Variants in CECR2 observed in about 807,000 individuals in gnomAD.
The protein encoded by CECR2 is chromatin remodeling regulator CECR2.
A neutral mutation model predicts 154.5 loss-of-function variants in CECR2; 30 were observed. The observed-to-expected ratio is 0.19, with a 90% CI of 0.15 to 0.26. CECR2 has a LOEUF of 0.26. Among genes scored for constraint, CECR2 ranks in the 10% least tolerant of loss-of-function variants. The pLI, the probability that CECR2 is intolerant of heterozygous loss-of-function variation, is 1.00. For synonymous variants in CECR2, 725 were observed against 683.7 expected (o/e 1.06, Z -0.94); for missense variants, 1,743 against 1,829.3 (o/e 0.95, Z 0.86).
upstream of CECR2, chr22:17,369,307 G>C (rs2063025200): frequency 6.6e-6 from 1 of 151,092 alleles, no homozygotes. Flanking sequence ...CCGGGGGCGC[G>C]CGCCCCGCCC....
rs532491837 is a variant in CECR2 at position 17,400,838 on chromosome 22, C to T, written c.126+30929C>T. 7.6e-4 allele frequency among the ~76,000 whole-genome samples: 116 copies of T among 152,246 alleles called. 1 individual carries two copies. The highest frequency in any genetic ancestry group is 2.7e-3 in the African/African-American group (113 of 41,532). ...AATCTCTTGCTCACTGCAGCCTCAA[C>T]CTCATGGGCTCAAGCAGTCCTCTGG... is the stretch of plus-strand genomic sequence containing the variant. On this transcript the variant is annotated intron_variant, in intron 1 of 18. Coordinates refer to ENST00000262608, the MANE Select transcript of CECR2 (RefSeq NM_001290047.2).
chr22:17,548,815 T>C lies in CECR2; in HGVS notation c.3528T>C (p.Tyr1176=). The change falls in exon 17 of 19, where the codon TAT becomes TAC. Residue 1176 remains tyrosine, a synonymous_variant. Coordinates refer to ENST00000262608, the MANE Select transcript of CECR2 (RefSeq NM_001290047.2). ...NHPHSGGFPR[Y]RPPQGMRYSY... is the part of the protein sequence containing the mutation. ...CACATTCTGGAGGCTTTCCCCGGTA[T>C]CGCCCCCCACAAGGAATGAGGTATT... is the stretch of plus-strand genomic sequence containing the variant. 6.2e-7 allele frequency: 1 copy of C among 1,613,718 alleles called. No homozygotes were observed. Among genetic ancestry groups the C allele is most frequent in the Non-Finnish European group, 8.5e-7 (1 of 1,179,828 alleles).
intron 1 of CECR2, among the ~76,000 whole-genome samples, chr22:17,458,688 G>T (rs2054891505): frequency 1.3e-5 from 2 of 152,002 alleles, no homozygotes; most frequent in Admixed American, 6.6e-5. Flanking sequence ...AAACACTTAG[G>T]TACATATGGA....
chr22:17,416,158 T>C (rs1210138139), intron 1 of CECR2, among the ~76,000 whole-genome samples: 1 of 152,206 alleles, frequency 6.6e-6, no homozygotes, highest in African/African-American at 2.4e-5. Context: ...GCTCTCTAAA[T>C]AGTGACAGAT....
chr22:17,405,179 G>A (rs1488377656), intron 1 of CECR2, among the ~76,000 whole-genome samples: 2 of 152,168 alleles, frequency 1.3e-5, no homozygotes, highest in African/African-American at 2.4e-5. Flanking sequence ...GGAAGCTGAG[G>A]CAGGCGGATC....
chr22:17,446,459 T>C (rs1229410764), intron 1 of CECR2, among the ~76,000 whole-genome samples: 3 of 152,184 alleles, frequency 2.0e-5, no homozygotes, highest in Non-Finnish European at 2.9e-5. Context: ...GGCTCTTGCC[T>C]GTAATCCCAG....
intron 8 of CECR2, among the ~76,000 whole-genome samples, chr22:17,519,290 GTGTTTTT>G (rs2056114174): frequency 3.0e-5 from 3 of 99,086 alleles, no homozygotes; most frequent in Non-Finnish European, 7.3e-5. Flanking sequence ...CAGGTGTTTT[GTGTTTTT>G]TTTTTTTTTT....
chr22:17,518,872 G>C (rs1191608408), intron 8 of CECR2: 1 of 248,816 alleles, frequency 4.0e-6, no homozygotes, highest in African/African-American at 2.3e-5. Context: ...CTTTCTCTTA[G>C]TATCCTTCCT....
chr22:17,499,914 TTAA>T (rs2055704357), intron 4 of CECR2, among the ~76,000 whole-genome samples: 1 of 152,118 alleles, frequency 6.6e-6, no homozygotes, highest in Non-Finnish European at 1.5e-5. Context: ...TCGACTAGAA[TTAA>T]TGATGTAGTT....
chr22:17,478,196 C>T (rs187142151), intron 2 of CECR2, among the ~76,000 whole-genome samples: 12 of 152,100 alleles, frequency 7.9e-5, no homozygotes, highest in African/African-American at 2.4e-4. Context: ...ACTTAATACA[C>T]GTTTCTTTGC....
chr22:17,552,217 T>C (rs1442090313), intron 18 of CECR2, 75 bp downstream of exon 18: 1 of 1,353,900 alleles, frequency 7.4e-7, no homozygotes. Flanking sequence ...AACCTTGCTG[T>C]TCTGAAAAAA....
intron 1 of CECR2, among the ~76,000 whole-genome samples, chr22:17,381,287 GC>G (rs1056614789): frequency 6.6e-6 from 1 of 152,140 alleles, no homozygotes; most frequent in Non-Finnish European, 1.5e-5. Context: ...TGTTAAAGCA[GC>G]CCCCCAGCCC....
chr22:17,383,657 CTTTT>C (rs57665657), intron 1 of CECR2, among the ~76,000 whole-genome samples: 4 of 104,278 alleles, frequency 3.8e-5, no homozygotes, highest in Admixed American at 1.2e-4. Context: ...TTCAGGTCCA[CTTTT>C]TTTTTTTTTT....
intron 1 of CECR2, among the ~76,000 whole-genome samples, chr22:17,363,216 AT>A (rs769888131): frequency 0.032 from 4,567 of 141,820 alleles, 308 homozygotes; most frequent in East Asian, 0.31. Flanking sequence ...CACCTGGCTA[AT>A]TTTTTTTTTT....
chr22:17,456,009 A>T (rs1179951737), intron 1 of CECR2, among the ~76,000 whole-genome samples: 1 of 152,152 alleles, frequency 6.6e-6, no homozygotes, highest in African/African-American at 2.4e-5. Flanking sequence ...ATCCAAAATC[A>T]TGTGGGTTGT....
At chr22:17,370,220 TCTC>T (rs1484276447) in intron 1 of CECR2, among the ~76,000 whole-genome samples, 2 of 149,224 alleles carry the variant, frequency 1.3e-5, no homozygotes, top group East Asian at 4.0e-4. Context: ...TCCCGGGACT[TCTC>T]CGGTGGGCTG....
chr22:17,365,371 A>G (rs994034101), upstream of CECR2, among the ~76,000 whole-genome samples: 1 of 152,226 alleles, frequency 6.6e-6, no homozygotes, highest in African/African-American at 2.4e-5. Flanking sequence ...TGGAAATAAC[A>G]GTGTATTTCC....
At chr22:17,502,852 A>G (rs2055763998) in intron 5 of CECR2, among the ~76,000 whole-genome samples, 1 of 152,206 alleles carries the variant, frequency 6.6e-6, no homozygotes. Context: ...ATGCATTGAT[A>G]CTGTTGCCAT....
intron 1 of CECR2, among the ~76,000 whole-genome samples, chr22:17,385,293 C>T (rs1465751202): frequency 2.0e-5 from 3 of 152,192 alleles, no homozygotes; most frequent in Non-Finnish European, 4.4e-5. Flanking sequence ...AGCTTTTGGC[C>T]TGTTTCAGCT....
Sources: allele counts gnomAD v4.1 joint callset (sites outside exome capture counted in the v4.1 genomes callset), GRCh38; gene constraint gnomAD v4.1.1; transcripts MANE v1.5; gene names NCBI Gene and HGNC (gene_info 2026-07-23, HGNC 2026-07-21).